Variants in TTK observed in about 807,000 individuals in gnomAD.
The protein encoded by TTK is dual specificity protein kinase TTK.
TTK carries 59 observed loss-of-function variants against 117.3 expected under a neutral mutation model. That is an observed-to-expected ratio of 0.50 (90% confidence interval 0.41 to 0.62). The LOEUF is 0.62. Ranked by LOEUF, TTK falls within the 20% of genes least tolerant of loss-of-function variation. The pLI is 0.00. For synonymous variants in TTK, 302 were observed against 325.0 expected, an observed-to-expected ratio of 0.93 and a Z score of 0.76; for missense variants, 921 against 989.4, an observed-to-expected ratio of 0.93 and a Z score of 0.93.
chr6:80,012,912 G>T (rs550352892), intron 8 of TTK, among the ~76,000 whole-genome samples: 1 of 152,054 alleles, frequency 6.6e-6, no homozygotes, highest in East Asian at 1.9e-4. Flanking sequence ...ACAATGCTAG[G>T]TACTGTGGAG....
In TTK at chr6:80,006,038, A is replaced by G. The variant is rs240227; in HGVS notation, c.139+56A>G. 8.7e-3 allele frequency: 13,632 copies of G among 1,562,704 alleles called. 1,052 individuals are homozygous for G. In the African/African-American group the frequency reaches 0.16, roughly 19 times the overall value. ...CTGTTTGTTGGGTATCCTCTAAGGTAAAGATATAGTACTAATCACTTTATT... is the reference window on the plus strand; with the variant it reads ...CTGTTTGTTGGGTATCCTCTAAGGTGAAGATATAGTACTAATCACTTTATT... On this transcript the variant is annotated intron_variant, in intron 2 of 21. Coordinates refer to ENST00000369798, the MANE Select transcript of TTK (RefSeq NM_003318.5).
At chr6:80,004,975 A>G (rs1766948602) in intron 1 of TTK, 1 of 152,204 alleles carries the variant, frequency 6.6e-6, no homozygotes, top group South Asian at 2.1e-4. Context: ...GTGGTGGGGT[A>G]CCTGCGCACA....
intron 1 of TTK, among the ~76,000 whole-genome samples, chr6:80,005,540 GCAAA>G (rs1166814708): frequency 2.0e-5 from 3 of 151,174 alleles, no homozygotes; most frequent in African/African-American, 4.8e-5. Flanking sequence ...CAAAATCCAA[GCAAA>G]CACTCTATCA....
chr6:80,035,312 A>T lies in TTK; in HGVS notation c.1819A>T (p.Ile607Phe), dbSNP rs746220162. 2 of 1,611,556 alleles carry T rather than the reference A, an allele frequency of 1.2e-6. No individual in the cohort carries two copies. The highest frequency in any genetic ancestry group is 2.7e-5 in the African/African-American group (2 of 74,790). Residue 607 changes from isoleucine to phenylalanine, a missense_variant, in exon 16 of 22, where the codon ATT becomes TTT. Coordinates refer to ENST00000369798, the MANE Select transcript of TTK (RefSeq NM_003318.5). ...CTACATGGTAATGGAGTGTGGAAAT[A>T]TTGATCTTAATAGTTGGCTTAAAAA... ...YIYMVMECGN[I>F]DLNSWLKKKK...
chr6:80,013,267 C>A lies in TTK; in HGVS notation c.897-12C>A. On this transcript the variant is annotated splice_polypyrimidine_tract_variant and intron_variant, in intron 8 of 21. Coordinates refer to ENST00000369798, the MANE Select transcript of TTK (RefSeq NM_003318.5). ...ATTTAATGTTAAAATTATTTTGTTT[C>A]ACGGGTAAAAGACAAACCTCTAGAT... The A allele has an allele frequency of 6.4e-7, 1 of 1,567,534 alleles. No individual in the cohort carries two copies. Among genetic ancestry groups the A allele is most frequent in the Non-Finnish European group, 8.6e-7 (1 of 1,163,670 alleles).
At chr6:80,032,974 TGAG>T (rs1394773942) in intron 14 of TTK, among the ~76,000 whole-genome samples, 3 of 152,188 alleles carry the variant, frequency 2.0e-5, no homozygotes, top group Non-Finnish European at 4.4e-5. Context: ...TTGTGTGTAA[TGAG>T]AACATTAGCA....
intron 8 of TTK, among the ~76,000 whole-genome samples, chr6:80,012,835 C>T (rs1044893024): frequency 5.3e-5 from 8 of 151,894 alleles, no homozygotes; most frequent in African/African-American, 9.7e-5. Flanking sequence ...GATTTTCTTC[C>T]GCTCCAAAAA....
intron 21 of TTK, among the ~76,000 whole-genome samples, chr6:80,041,046 G>A (rs1258797022): frequency 1.3e-5 from 2 of 151,720 alleles, no homozygotes; most frequent in Non-Finnish European, 3.0e-5. Flanking sequence ...CTTTTAGCCA[G>A]TTTTTTCCTT....
At chr6:80,038,079 C>A (rs1479822385) in intron 18 of TTK, 32 bp downstream of exon 18, 12 of 1,480,218 alleles carry the variant, frequency 8.1e-6, no homozygotes, top group Non-Finnish European at 1.1e-5. Flanking sequence ...TCACAATTAT[C>A]TGGCAACAGT....
chr6:80,012,842 A>T (rs181824121), intron 8 of TTK, among the ~76,000 whole-genome samples: 1 of 152,064 alleles, frequency 6.6e-6, no homozygotes, highest in Non-Finnish European at 1.5e-5. Flanking sequence ...TTCCGCTCCA[A>T]AAAATTAAAA....
Position 80,035,058 on chromosome 6 carries a change from A to T in TTK, c.1688A>T (p.Gln563Leu). ...KYVNLEEADNQTLDSYRNEIA... is the reference protein window; with the variant it reads ...KYVNLEEADNLTLDSYRNEIA... ...GTGAACTTAGAAGAAGCAGATAACC[A>T]AACTCTTGATAGTTACCGGAACGAA... is the stretch of plus-strand genomic sequence containing the variant. The change falls in exon 15 of 22, where the codon CAA becomes CTA. Residue 563 changes from glutamine (Q) to leucine (L), a missense_variant. Coordinates refer to ENST00000369798, the MANE Select transcript of TTK (RefSeq NM_003318.5). 6.2e-7 allele frequency: 1 copy of T among 1,604,252 alleles called. No individual in the cohort carries two copies. Among genetic ancestry groups the T allele is most frequent in the Non-Finnish European group, 8.5e-7 (1 of 1,177,044 alleles).
At chr6:80,009,953 A>G (rs1357285452) in intron 4 of TTK, among the ~76,000 whole-genome samples, 4 of 152,112 alleles carry the variant, frequency 2.6e-5, no homozygotes, top group African/African-American at 9.7e-5. Flanking sequence ...TAAAATACAC[A>G]ATACATGAAA....
intron 17 of TTK, among the ~76,000 whole-genome samples, 178 bp downstream of exon 17, chr6:80,036,777 G>A (rs1321028230): frequency 6.6e-6 from 1 of 152,106 alleles, no homozygotes; most frequent in Non-Finnish European, 1.5e-5. Flanking sequence ...AGAATAGAAA[G>A]TCAAGATCAA....
rs867999010 is a variant in TTK at position 80,008,077 on chromosome 6, G to C, written c.362+46G>C. The C allele has an allele frequency of 2.6e-6, 4 of 1,563,572 alleles. No homozygotes were observed. In the Middle Eastern group the frequency reaches 7.0e-4, roughly 274 times the overall value. ...TATGTTCAACTATGTTACATAATAT[G>C]TAACTACACTGCAAAGAGAGAAAAT... On this transcript the variant is annotated intron_variant, in intron 3 of 21. Transcript: ENST00000369798.
chr6:80,027,268 C>CTATAA (rs1190689941), intron 12 of TTK, among the ~76,000 whole-genome samples: 1 of 152,084 alleles, frequency 6.6e-6, no homozygotes, highest in Non-Finnish European at 1.5e-5. Flanking sequence ...TATAGTTTTA[C>CTATAA]TATATATTGC....
rs977254008 is a variant in TTK, at chr6:80,022,827, A to G, written c.1257+355A>G. On this transcript the variant is annotated intron_variant, in intron 11 of 21. Transcript: ENST00000369798. ...TTGCATTATAAGAGCAGAGTTGATT[A>G]GTTGTATTAGAGACCACTTGGCCTG... 8.5e-4 allele frequency among the ~76,000 whole-genome samples: 130 copies of G among 152,202 alleles called. 1 individual carries two copies. The highest frequency in any genetic ancestry group is 1.0e-3 in the Non-Finnish European group (71 of 68,034).
At chr6:80,012,889 C>T (rs1165640316) in intron 8 of TTK, among the ~76,000 whole-genome samples, 1 of 152,052 alleles carries the variant, frequency 6.6e-6, no homozygotes, top group Non-Finnish European at 1.5e-5. Flanking sequence ...TTCTTGGTTC[C>T]TGTTATCGAT....
At position 80,011,532 on chromosome 6, in the gene TTK, GC is replaced by G; in HGVS notation, c.714del (p.Arg239GlyfsTer15). 1 of 1,602,626 alleles carries G rather than the reference GC, an allele frequency of 6.2e-7. No individual in the cohort carries two copies. The highest frequency in any genetic ancestry group is 1.7e-5 in the Admixed American group (1 of 57,282). ...TGATTCCAGAGGACAGACTACTAAA[GC>G]CAGGTTTTTATATGGGTAAGGAAAC... is the stretch of plus-strand genomic sequence containing the variant. The part of the protein sequence containing the change: ...SCDSRGQTTK[A>X]RFLYGENMPP... On this transcript the variant is annotated frameshift_variant, in exon 6 of 22. Transcript: ENST00000369798. LOFTEE classifies it high-confidence loss of function.
intron 19 of TTK, 95 bp downstream of exon 19, chr6:80,039,967 A>C (rs1768003540): frequency 9.0e-7 from 1 of 1,106,784 alleles, no homozygotes. Context: ...TGTTCTATTC[A>C]AAAGAATTGC....
Sources: gnomAD v4.1 joint callset for allele counts (sites outside exome capture counted in the v4.1 genomes callset) on GRCh38, gnomAD v4.1.1 for gene constraint, MANE v1.5 for transcripts, NCBI Gene and HGNC (gene_info 2026-07-23, HGNC 2026-07-21) for gene names.